RBPJ: variants seen among roughly 807,000 people sequenced by gnomAD.
The protein encoded by RBPJ is recombining binding protein suppressor of hairless.
Under a neutral mutation model 67.8 loss-of-function variants are expected in RBPJ, and 9 were observed. The observed-to-expected ratio is 0.13, with a 90% CI of 0.08 to 0.23. The LOEUF (loss-of-function observed/expected upper bound fraction) is 0.23, where lower values mean the gene tolerates loss of function less well. Ranked by LOEUF, RBPJ falls within the 10% of genes least tolerant of loss-of-function variation. The probability of loss-of-function intolerance (pLI) is 1.00; values close to 1 mark genes in which losing one functional copy is unlikely to be tolerated. For missense variants in RBPJ, 305 were observed against 595.6 expected (o/e 0.51, Z 5.08); for synonymous variants, 198 against 203.3 (o/e 0.97, Z 0.22).
intron 1 of RBPJ, among the ~76,000 whole-genome samples, chr4:26,174,645 C>T (rs6840454): frequency 0.7 from 106,529 of 151,798 alleles, 37,894 homozygotes; most frequent in African/African-American, 0.82. Context: ...AATTTTTATA[C>T]TTTTAGTAGA....
intron 1 of RBPJ, among the ~76,000 whole-genome samples, chr4:26,343,994 A>G (rs1577481978): frequency 6.6e-6 from 1 of 150,522 alleles, no homozygotes; most frequent in Non-Finnish European, 1.5e-5. Context: ...CAAGTGATCC[A>G]CCTGCCTTGG....
chr4:26,121,734 A>G, the RBPJ span, among the ~76,000 whole-genome samples: 1 of 152,224 alleles, frequency 6.6e-6, no homozygotes, highest in Non-Finnish European at 1.5e-5. Context: ...AGCTTGACAC[A>G]GTAATTTAAC....
chr4:26,148,134 G>A, the RBPJ span, among the ~76,000 whole-genome samples: 1 of 152,292 alleles, frequency 6.6e-6, no homozygotes, highest in East Asian at 1.9e-4. Context: ...GATGGATTGT[G>A]GAACTTAAGG....
intron 1 of RBPJ, among the ~76,000 whole-genome samples, chr4:26,290,134 A>G (rs1275133886): frequency 6.7e-6 from 1 of 149,716 alleles, no homozygotes; most frequent in Admixed American, 6.7e-5. Flanking sequence ...GTTCGAAACC[A>G]GCCTAGGCAA....
rs1312874525 is a variant in RBPJ, at chr4:26,432,592, G to T, written c.*1585G>T. The T allele has an allele frequency of 6.6e-6, 1 of 152,116 alleles. No homozygotes were observed. Among genetic ancestry groups the T allele is most frequent in the Non-Finnish European group, 1.5e-5 (1 of 68,010 alleles). 9.4% of individuals were successfully genotyped at this position (152,116 alleles called of 1,614,324 possible). A position where few individuals can be genotyped will look rare whatever the true frequency, so the allele number is the denominator to read the frequency against. ...CTGAACTTTGTTTATGCCTTTGTTTGGTTTCTTCGAAATTGCAGCAGACTC... is the reference window on the plus strand; with the variant it reads ...CTGAACTTTGTTTATGCCTTTGTTTTGTTTCTTCGAAATTGCAGCAGACTC... On this transcript the variant is annotated 3_prime_UTR_variant, in exon 11 of 11. Transcript: ENST00000355476.
Position 26,189,217 on chromosome 4 carries a change from T to C in RBPJ, c.-167+25603T>C, listed in dbSNP as rs1159488408. On this transcript the variant is annotated intron_variant, in intron 1 of 4. Coordinates refer to the RBPJ transcript ENST00000512351. ...GGGCAACAGGGCAAGACCCTGTCTC[T>C]ATATTAAAAACAAATCATAAATAAT... 2.6e-5 allele frequency among the ~76,000 whole-genome samples: 4 copies of C among 152,094 alleles called. 1 individual carries two copies. Among genetic ancestry groups the C allele is most frequent in the Non-Finnish European group, 5.9e-5 (4 of 68,026 alleles).
At chr4:26,312,080 A>T (rs1028749266) in intron 1 of RBPJ, among the ~76,000 whole-genome samples, 1 of 152,150 alleles carries the variant, frequency 6.6e-6, no homozygotes, top group African/African-American at 2.4e-5. Flanking sequence ...ATTGATTTTG[A>T]TGCCCACTAA....
At chr4:26,262,962 CAG>C (rs951311679) in intron 1 of RBPJ, among the ~76,000 whole-genome samples, 15 of 152,300 alleles carry the variant, frequency 9.8e-5, no homozygotes, top group African/African-American at 3.1e-4. Flanking sequence ...TCTGGCTCCA[CAG>C]AGTCTACCTA....
intron 1 of RBPJ, among the ~76,000 whole-genome samples, chr4:26,255,637 C>G (rs1179316112): frequency 6.7e-6 from 1 of 150,206 alleles, no homozygotes; most frequent in African/African-American, 2.4e-5. Flanking sequence ...CCCGTCTCTA[C>G]TAAAAATACA....
intron 1 of RBPJ, among the ~76,000 whole-genome samples, chr4:26,173,575 G>A (rs942298465): frequency 6.6e-6 from 1 of 152,184 alleles, no homozygotes; most frequent in Non-Finnish European, 1.5e-5. Context: ...CTTACACCCA[G>A]GAGATGGGGA....
At chr4:26,336,119 C>G (rs534019415) in intron 1 of RBPJ, among the ~76,000 whole-genome samples, 1 of 152,240 alleles carries the variant, frequency 6.6e-6, no homozygotes, top group East Asian at 1.9e-4. Context: ...AAAATCCTGT[C>G]TAAATATCAT....
intron 1 of RBPJ, among the ~76,000 whole-genome samples, chr4:26,280,082 C>G (rs1004869724): frequency 6.6e-6 from 1 of 150,850 alleles, no homozygotes; most frequent in Non-Finnish European, 1.5e-5. Context: ...CCACCGTGCC[C>G]GACCAAAATT....
In RBPJ at chr4:26,306,039, C is replaced by A. The variant is rs907580465; in HGVS notation, c.-166-56407C>A. ...GAGCTCAGGTGATCCACCCACCTAG[C>A]CTCCCAAAGTGCTGGGATTACAGAT... On this transcript the variant is annotated intron_variant, in intron 1 of 4. Transcript: ENST00000512351. Among the ~76,000 whole-genome samples, 5 of 150,872 alleles carry A rather than the reference C, an allele frequency of 3.3e-5. No homozygotes were observed. In the East Asian group the frequency reaches 5.8e-4, roughly 18 times the overall value.
intron 2 of RBPJ, among the ~76,000 whole-genome samples, chr4:26,393,731 C>T (rs1416160816): frequency 6.6e-6 from 1 of 151,698 alleles, no homozygotes; most frequent in Admixed American, 6.6e-5. Flanking sequence ...AAAGAATATT[C>T]AAGTTAGGAA....
At chr4:26,390,142 T>C (rs1731354294) in intron 2 of RBPJ, among the ~76,000 whole-genome samples, 1 of 152,198 alleles carries the variant, frequency 6.6e-6, no homozygotes, top group African/African-American at 2.4e-5. Flanking sequence ...TGTAATTCAG[T>C]ATATTAATAG....
In RBPJ at chr4:26,245,503, G is replaced by A. The variant is rs185856302; in HGVS notation, c.-167+81889G>A. Among the ~76,000 whole-genome samples, 1,414 of 152,146 alleles carry A rather than the reference G, an allele frequency of 9.3e-3. 86 individuals are homozygous for A. The highest frequency in any genetic ancestry group is 0.087 in the Admixed American group (1,333 of 15,258). ...ATTACAGGCGTGAGACACTGCACCC[G>A]GCCCACTAATGTACTTTTGTATGGG... On this transcript the variant is annotated intron_variant, in intron 1 of 4. Coordinates refer to the RBPJ transcript ENST00000512351.
At chr4:26,316,404 TATATATACATTC>T (rs1402806871), upstream of RBPJ, among the ~76,000 whole-genome samples, 585 of 140,692 alleles carry the variant, frequency 4.2e-3, 9 homozygotes, top group African/African-American at 0.011. Context: ...TATACATTCA[TATATATACATTC>T]ATATATACAT....
intron 2 of RBPJ, among the ~76,000 whole-genome samples, chr4:26,402,301 T>C (rs994125970): frequency 2.0e-5 from 3 of 152,194 alleles, no homozygotes; most frequent in African/African-American, 7.2e-5. Flanking sequence ...ACCCAGCAGT[T>C]TGGTCTCCCT....
chr4:26,180,966 C>T (rs1490962313), intron 1 of RBPJ, among the ~76,000 whole-genome samples: 5 of 151,968 alleles, frequency 3.3e-5, no homozygotes, highest in African/African-American at 7.3e-5. Context: ...ATAAGTCCTA[C>T]GAGATCTGAT....
Sources: gnomAD v4.1 joint callset for allele counts (sites outside exome capture counted in the v4.1 genomes callset) on GRCh38, gnomAD v4.1.1 for gene constraint, MANE v1.5 for transcripts, NCBI Gene and HGNC (gene_info 2026-07-23, HGNC 2026-07-21) for gene names.